The following XPR1 variants were observed in gnomAD, a reference collection of about 807,000 sequenced individuals.
XPR1 encodes solute carrier family 53 member 1.
Under a neutral mutation model 87.5 loss-of-function variants are expected in XPR1, and 28 were observed. The ratio of observed to expected loss-of-function variants is 0.32; its 90% CI spans 0.24 to 0.44. The LOEUF (loss-of-function observed/expected upper bound fraction) is 0.44, where lower values mean the gene tolerates loss of function less well. Ranked by LOEUF, XPR1 falls within the 20% of genes least tolerant of loss-of-function variation. XPR1 has a pLI of 1.00. For missense variants in XPR1, 559 were observed against 862.3 expected, an observed-to-expected ratio of 0.65 and a Z score of 4.41; for synonymous variants, 300 against 306.1, an observed-to-expected ratio of 0.98 and a Z score of 0.21.
intron 2 of XPR1, among the ~76,000 whole-genome samples, chr1:180,784,132 A>G (rs1649047091): frequency 6.6e-6 from 1 of 152,022 alleles, no homozygotes; most frequent in South Asian, 2.1e-4. Flanking sequence ...TACATTTCCT[A>G]CATGTGGGAT....
intron 2 of XPR1, among the ~76,000 whole-genome samples, chr1:180,771,388 T>C (rs1218041061): frequency 1.3e-5 from 2 of 152,022 alleles, no homozygotes; most frequent in Non-Finnish European, 2.9e-5. Flanking sequence ...TACAGAAGAG[T>C]TCATATATAC....
At chr1:180,657,104 T>A (rs1253456981) in intron 1 of XPR1, among the ~76,000 whole-genome samples, 1 of 152,196 alleles carries the variant, frequency 6.6e-6, no homozygotes, top group Admixed American at 6.5e-5. Flanking sequence ...GTTGAGCACC[T>A]TTTCATATGC....
intron 2 of XPR1, among the ~76,000 whole-genome samples, chr1:180,693,690 T>G (rs1657067627): frequency 6.6e-6 from 1 of 152,178 alleles, no homozygotes; most frequent in African/African-American, 2.4e-5. Flanking sequence ...TGGTGGTTGC[T>G]GGCTTTCTTG....
At chr1:180,674,327 C>T (rs968971711) in intron 1 of XPR1, among the ~76,000 whole-genome samples, 3 of 152,122 alleles carry the variant, frequency 2.0e-5, no homozygotes, top group Non-Finnish European at 2.9e-5. Flanking sequence ...GGCACGATCT[C>T]GGCTCACCAC....
At chr1:180,703,628 A>G (rs1657441372) in intron 2 of XPR1, among the ~76,000 whole-genome samples, 1 of 152,180 alleles carries the variant, frequency 6.6e-6, no homozygotes, top group Admixed American at 6.5e-5. Flanking sequence ...TCATGCCCCC[A>G]GATTTTTTAC....
In XPR1 at chr1:180,636,513, G is replaced by A. The variant is rs530789591; in HGVS notation, c.69+4243G>A. 3.9e-5 allele frequency among the ~76,000 whole-genome samples: 6 copies of A among 152,218 alleles called. No homozygotes were observed. The East Asian group carries it at 5.8e-4, about 15-fold the overall frequency. ...TATGCTGGAAAGATTATACTTGTCC[G>A]TTTATCCTGAAGGTTGGTTTTGGAT... On this transcript the variant is annotated intron_variant, in intron 1 of 14. Transcript: ENST00000367590.
chr1:180,876,137 A>G (rs1307234231), intron 13 of XPR1, among the ~76,000 whole-genome samples: 1 of 152,214 alleles, frequency 6.6e-6, no homozygotes, highest in Non-Finnish European at 1.5e-5. Flanking sequence ...AAAAAAGAGC[A>G]TAAAAGGAAA....
chr1:180,831,470 A>G (rs886755760), intron 9 of XPR1, among the ~76,000 whole-genome samples: 59 of 148,852 alleles, frequency 4.0e-4, no homozygotes, highest in Admixed American at 4.8e-4. Flanking sequence ...ATAGGTATAC[A>G]TGTGCCATGG....
intron 12 of XPR1, among the ~76,000 whole-genome samples, chr1:180,864,102 C>T (rs1280711846): frequency 7.2e-5 from 11 of 152,022 alleles, no homozygotes; most frequent in Non-Finnish European, 1.5e-5. Context: ...CAAGGAAAGC[C>T]ATAAACTATG....
intron 9 of XPR1, among the ~76,000 whole-genome samples, chr1:180,832,255 ATTTG>A (rs1255518411): frequency 2.0e-5 from 3 of 151,920 alleles, no homozygotes; most frequent in Non-Finnish European, 4.4e-5. Flanking sequence ...TTTCTTGTAA[ATTTG>A]TTTAAGTTCT....
At chr1:180,725,398 T>A (rs1229156303) in intron 2 of XPR1, among the ~76,000 whole-genome samples, 1 of 152,116 alleles carries the variant, frequency 6.6e-6, no homozygotes, top group Non-Finnish European at 1.5e-5. Flanking sequence ...AAAAAAAGGA[T>A]GTGGAGTGAT....
intron 2 of XPR1, among the ~76,000 whole-genome samples, chr1:180,732,489 A>G (rs1373490502): frequency 6.6e-6 from 1 of 152,166 alleles, no homozygotes; most frequent in Non-Finnish European, 1.5e-5. Context: ...ACTGGTGTGA[A>G]ACTATTGATG....
Position 180,667,575 on chromosome 1 carries a change from G to A in XPR1, c.70-14785G>A, listed in dbSNP as rs77440077. Among the ~76,000 whole-genome samples, 255 of 152,204 alleles carry A rather than the reference G, an allele frequency of 1.7e-3. 1 individual carries two copies. Among genetic ancestry groups the A allele is most frequent in the African/African-American group, 5.8e-3 (239 of 41,532 alleles). On this transcript the variant is annotated intron_variant, in intron 1 of 14. Transcript: ENST00000367590. Reference sequence around the variant, plus strand: ...GCCCATAGTTTTGTTTTCTTGTAGCGTATTTGTCTGACTTTGGTATCAAAG... The same window carrying A: ...GCCCATAGTTTTGTTTTCTTGTAGCATATTTGTCTGACTTTGGTATCAAAG...
At chr1:180,710,144 C>T (rs1024719980) in intron 2 of XPR1, among the ~76,000 whole-genome samples, 25 of 150,972 alleles carry the variant, frequency 1.7e-4, no homozygotes, top group Admixed American at 7.3e-4. Flanking sequence ...TCCCCGTCTT[C>T]GCCTCCCAAA....
chr1:180,741,198 C>G (rs961232050), intron 2 of XPR1, among the ~76,000 whole-genome samples: 2 of 152,230 alleles, frequency 1.3e-5, no homozygotes, highest in Non-Finnish European at 2.9e-5. Context: ...GAGTCTCACT[C>G]TGTCGCCCAG....
At chr1:180,839,803 G>A (rs1351997449) in intron 11 of XPR1, among the ~76,000 whole-genome samples, 6 of 152,156 alleles carry the variant, frequency 3.9e-5, no homozygotes, top group Admixed American at 3.3e-4. Context: ...TTGGGCTTCT[G>A]GATGGTAAAT....
chr1:180,847,672 A>G (rs933954817), intron 11 of XPR1, among the ~76,000 whole-genome samples: 2 of 152,214 alleles, frequency 1.3e-5, no homozygotes, highest in African/African-American at 4.8e-5. Flanking sequence ...GCAAAATATT[A>G]GGGAAGGGAT....
chr1:180,695,081 G>A (rs1232406780), intron 2 of XPR1, among the ~76,000 whole-genome samples: 1 of 152,030 alleles, frequency 6.6e-6, no homozygotes, highest in Non-Finnish European at 1.5e-5. Flanking sequence ...TTTGATAATA[G>A]TTATTCTAAC....
At chr1:180,858,490 T>G (rs1191283525) in intron 11 of XPR1, among the ~76,000 whole-genome samples, 1 of 152,234 alleles carries the variant, frequency 6.6e-6, no homozygotes, top group Non-Finnish European at 1.5e-5. Flanking sequence ...ACTACTTTTT[T>G]CGTTTTAAAG....
Sources: allele counts gnomAD v4.1 joint callset (sites outside exome capture counted in the v4.1 genomes callset), GRCh38; gene constraint gnomAD v4.1.1; transcripts MANE v1.5; gene names NCBI Gene and HGNC (gene_info 2026-07-23, HGNC 2026-07-21).